The following FBXO4 variants were observed in gnomAD, a reference collection of about 807,000 sequenced individuals.
The protein encoded by FBXO4 is F-box protein 4.
A neutral mutation model predicts 43.7 loss-of-function variants in FBXO4; 36 were observed. That is an observed-to-expected ratio of 0.82 (90% confidence interval 0.63 to 1.09). The LOEUF (loss-of-function observed/expected upper bound fraction) is 1.09, where lower values mean the gene tolerates loss of function less well. FBXO4 is among the 50% of genes least tolerant of loss of function. FBXO4 has a pLI of 0.00. For missense variants in FBXO4, 435 were observed against 474.1 expected (o/e 0.92, Z 0.77); for synonymous variants, 180 against 165.6 (o/e 1.09, Z -0.67).
At chr5:41,948,857 T>C in the FBXO4 span, among the ~76,000 whole-genome samples, 1 of 152,176 alleles carries the variant, frequency 6.6e-6, no homozygotes, top group Non-Finnish European at 1.5e-5. Flanking sequence ...CCAAAAAGCT[T>C]ATCCACAACT....
the FBXO4 span, among the ~76,000 whole-genome samples, chr5:41,977,033 G>A: frequency 6.6e-6 from 1 of 152,164 alleles, no homozygotes; most frequent in African/African-American, 2.4e-5. Flanking sequence ...CTGTACCTGG[G>A]TCCTGTTGAG....
chr5:42,021,219 G>C, the FBXO4 span, among the ~76,000 whole-genome samples: 2 of 152,178 alleles, frequency 1.3e-5, no homozygotes, highest in Non-Finnish European at 2.9e-5. Flanking sequence ...TCAGTTAACT[G>C]TTCCAGTTGT....
chr5:41,933,001 A>G (rs1188927247), intron 3 of FBXO4, among the ~76,000 whole-genome samples: 1 of 152,178 alleles, frequency 6.6e-6, no homozygotes, highest in African/African-American at 2.4e-5. Flanking sequence ...TTTACTAGTC[A>G]CCCTACTAGG....
At chr5:41,976,080 T>A in the FBXO4 span, among the ~76,000 whole-genome samples, 1 of 152,132 alleles carries the variant, frequency 6.6e-6, no homozygotes, top group Non-Finnish European at 1.5e-5. Context: ...GAGAACTCAC[T>A]CATCACCAGG....
the FBXO4 span, among the ~76,000 whole-genome samples, chr5:41,956,839 A>G: frequency 6.6e-6 from 1 of 151,234 alleles, no homozygotes; most frequent in Admixed American, 6.6e-5. Flanking sequence ...CAGCCTCCCA[A>G]GTAGCTGGGA....
intron 2 of FBXO4, 23 bp downstream of exon 2, chr5:41,927,271 TA>T (rs771361271): frequency 1.0e-4 from 155 of 1,506,484 alleles, no homozygotes; most frequent in Non-Finnish European, 1.4e-4. Flanking sequence ...TTTTATGAAT[TA>T]AAAAGAAGCT....
the FBXO4 span, among the ~76,000 whole-genome samples, chr5:41,987,405 C>T: frequency 6.6e-6 from 1 of 152,118 alleles, no homozygotes; most frequent in African/African-American, 2.4e-5. Flanking sequence ...ATCTCTGTTC[C>T]TGCATGCCTA....
At chr5:42,006,914 A>ATATG in the FBXO4 span, among the ~76,000 whole-genome samples, 10 of 141,504 alleles carry the variant, frequency 7.1e-5, no homozygotes, top group South Asian at 6.4e-4. Flanking sequence ...ATATATATAT[A>ATATG]TATGTATATA....
chr5:42,034,767 C>A, the FBXO4 span, among the ~76,000 whole-genome samples: 26 of 152,082 alleles, frequency 1.7e-4, no homozygotes, highest in Admixed American at 1.7e-3. Flanking sequence ...GTTACTATAT[C>A]CTTGTAGTAT....
chr5:42,016,901 CTT>C, the FBXO4 span, among the ~76,000 whole-genome samples: 3 of 151,934 alleles, frequency 2.0e-5, no homozygotes, highest in Non-Finnish European at 1.5e-5. Context: ...AAATAAAAGA[CTT>C]TATATTTCAG....
At chr5:41,942,206 A>G (rs945072532), downstream of FBXO4, among the ~76,000 whole-genome samples, 1 of 152,060 alleles carries the variant, frequency 6.6e-6, no homozygotes. Flanking sequence ...TTGAGGGGGC[A>G]GAATTTTGCC....
At chr5:41,999,462 T>TA in the FBXO4 span, among the ~76,000 whole-genome samples, 23 of 58,926 alleles carry the variant, frequency 3.9e-4, 2 homozygotes, top group African/African-American at 7.9e-4. Flanking sequence ...TGTGTGTGTG[T>TA]GTGTATATAT....
At chr5:41,996,477 CA>C in the FBXO4 span, among the ~76,000 whole-genome samples, 1 of 152,222 alleles carries the variant, frequency 6.6e-6, no homozygotes, top group Admixed American at 6.5e-5. Flanking sequence ...AGGCTCCAAA[CA>C]GCATCTCTAT....
chr5:42,006,265 T>G, the FBXO4 span, among the ~76,000 whole-genome samples: 1 of 152,214 alleles, frequency 6.6e-6, no homozygotes, highest in South Asian at 2.1e-4. Context: ...CAGAAGTTCT[T>G]CATGGAAATG....
the FBXO4 span, among the ~76,000 whole-genome samples, chr5:41,951,152 G>A: frequency 8.7e-4 from 132 of 152,252 alleles, 1 homozygote; most frequent in African/African-American, 3.2e-3. Flanking sequence ...CATGGCAAGT[G>A]TATACCTATG....
downstream of FBXO4, among the ~76,000 whole-genome samples, chr5:41,944,991 A>G (rs1355806956): frequency 6.6e-6 from 1 of 152,224 alleles, no homozygotes; most frequent in Admixed American, 6.5e-5. Context: ...CTTTCTAGGA[A>G]GGATTTGACA....
At chr5:41,958,141 T>C in the FBXO4 span, among the ~76,000 whole-genome samples, 2 of 150,034 alleles carry the variant, frequency 1.3e-5, no homozygotes, top group Non-Finnish European at 3.0e-5. Context: ...ATTTTTTTTT[T>C]TTTTTTTTTT....
the FBXO4 span, chr5:41,967,690 A>G: frequency 7.8e-6 from 5 of 642,128 alleles, no homozygotes; most frequent in Non-Finnish European, 1.5e-5. Flanking sequence ...ATACTGGTCC[A>G]GATACATTCA....
At chr5:41,939,699 T>G in intron 6 of FBXO4, 83 bp downstream of exon 6, 1 of 1,138,116 alleles carries the variant, frequency 8.8e-7, no homozygotes, top group Non-Finnish European at 1.2e-6. Flanking sequence ...ATTCATCTTC[T>G]TTAATGAAAT....
Sources: allele counts gnomAD v4.1 joint callset (sites outside exome capture counted in the v4.1 genomes callset), GRCh38; gene constraint gnomAD v4.1.1; transcripts MANE v1.5; gene names NCBI Gene and HGNC (gene_info 2026-07-23, HGNC 2026-07-21).